Variants in SOX17 observed in about 807,000 individuals in gnomAD.
SOX17 encodes SRY-box transcription factor 17, also known as transcription factor SOX-17.
A neutral mutation model predicts 16.0 loss-of-function variants in SOX17; 4 were observed. The ratio of observed to expected loss-of-function variants is 0.25; its 90% CI spans 0.12 to 0.57. The LOEUF (loss-of-function observed/expected upper bound fraction) is 0.57. Ranked by LOEUF, SOX17 falls within the 20% of genes least tolerant of loss-of-function variation. The pLI is 0.92. For synonymous variants in SOX17, 357 were observed against 284.6 expected (o/e 1.25, Z -2.56); for missense variants, 633 against 609.7 (o/e 1.04, Z -0.40).
Position 54,457,986 on chromosome 8 carries a change from C to A in SOX17, c.-153C>A. 1.0e-6 allele frequency: 1 copy of A among 955,762 alleles called. No homozygotes were observed. The highest frequency in any genetic ancestry group is 1.5e-6 in the Non-Finnish European group (1 of 681,520). 59.2% of individuals were successfully genotyped at this position (955,762 alleles called of 1,614,324 possible). A position where few individuals can be genotyped will look rare whatever the true frequency, so the allele number is the denominator to read the frequency against. On this transcript the variant is annotated 5_prime_UTR_variant, in exon 1 of 2. Coordinates refer to ENST00000297316, the MANE Select transcript of SOX17 (RefSeq NM_022454.4). Reference sequence around the variant, plus strand: ...CCTGGGTACGCTGTAGACCAGACCGCGACAGGCCAGAACACGGGCGGCGGC... The same window carrying A: ...CCTGGGTACGCTGTAGACCAGACCGAGACAGGCCAGAACACGGGCGGCGGC...
chr8:54,458,588 G>A (rs1804675549), intron 1 of SOX17, 143 bp downstream of exon 1: 5 of 1,044,396 alleles, frequency 4.8e-6, no homozygotes, highest in Non-Finnish European at 6.9e-6. Flanking sequence ...TAAGGCTCTG[G>A]GTTCCCTTCC....
In SOX17 at chr8:54,460,711, T is replaced by A. The variant is rs1224591243; in HGVS notation, c.*716T>A. 10 of 228,486 alleles carry A rather than the reference T, an allele frequency of 4.4e-5. No individual in the cohort carries two copies. In the East Asian group the frequency reaches 6.3e-4, roughly 14 times the overall value. 14.2% of individuals were successfully genotyped at this position (228,486 alleles called of 1,614,324 possible). A position where few individuals can be genotyped will look rare whatever the true frequency, so the allele number is the denominator to read the frequency against. ...TAACTGTTGAATCATAAGCTTGACC[T>A]GCCCCCAGAGGCTTTTTGGATGTTT... On this transcript the variant is annotated 3_prime_UTR_variant, in exon 2 of 2. Transcript: ENST00000297316.
Position 54,459,720 on chromosome 8 carries a change from C to A in SOX17, c.970C>A (p.Gln324Lys). Residue 324 changes from glutamine (Q) to lysine (K), a missense_variant, in exon 2 of 2, where the codon CAG becomes AAG. Coordinates refer to ENST00000297316, the MANE Select transcript of SOX17 (RefSeq NM_022454.4). ...GCAACACCAGCACCAGCACCAGCAC[C>A]AGCACCACCCCCCGGGCCCCGGACA... Reference protein sequence around the residue: ...QPQHQHQHQHQHHPPGPGQPS... With the variant: ...QPQHQHQHQHKHHPPGPGQPS... The A allele has an allele frequency of 3.2e-6, 5 of 1,553,046 alleles. No homozygotes were observed. The highest frequency in any genetic ancestry group is 2.6e-6 in the Non-Finnish European group (3 of 1,153,212).
chr8:54,460,027 A>G lies in SOX17; in HGVS notation c.*32A>G, dbSNP rs1465160000. ...CCTGATCCGCCCCAGCCTGCAGGCC[A>G]GAAGCAGTGTTACACACTTCCTGGA... is the stretch of plus-strand genomic sequence containing the variant. On this transcript the variant is annotated 3_prime_UTR_variant, in exon 2 of 2. Transcript: ENST00000297316. The G allele has an allele frequency of 1.2e-6, 2 of 1,609,854 alleles. No individual in the cohort carries two copies. Among genetic ancestry groups the G allele is most frequent in the South Asian group, 1.1e-5 (1 of 91,008 alleles).
chr8:54,458,801 C>T (rs1161139456), intron 1 of SOX17, among the ~76,000 whole-genome samples: 2 of 152,202 alleles, frequency 1.3e-5, no homozygotes, highest in African/African-American at 4.8e-5. Context: ...GTGTCCTTTT[C>T]TGTTTTTCGA....
rs1423535871 is a variant in SOX17 at position 54,459,612 on chromosome 8, G to T, written c.862G>T (p.Ala288Ser). ...GGGTCCCTCGATTCCGGGCCTCCTG[G>T]CGCCACCCAGCGCCCTTCACGTGTA... ...PAGPSIPGLL[A>S]PPSALHVYYG... The change falls in exon 2 of 2, where the codon GCG becomes TCG. Residue 288 changes from alanine (A) to serine (S), a missense_variant. By Grantham distance (99) the Ala-to-Ser change is moderately conservative. Around this residue, in one of 5 missense-constraint regions of SOX17, gnomAD observed 479 missense variants for 397.2 expected, o/e 1.21. Transcript: ENST00000297316. 6.5e-7 allele frequency: 1 copy of T among 1,539,442 alleles called. No homozygotes were observed. The highest frequency in any genetic ancestry group is 1.2e-5 in the South Asian group (1 of 84,208).
In SOX17 at chr8:54,458,100, G is replaced by A; in HGVS notation, c.-39G>A. 2 of 1,443,404 alleles carry A rather than the reference G, an allele frequency of 1.4e-6. No homozygotes were observed. Among genetic ancestry groups the A allele is most frequent in the Non-Finnish European group, 9.0e-7 (1 of 1,106,490 alleles). The allele number at this position is 1,443,404 out of a possible 1,614,324, so 89.4% of individuals were successfully genotyped here. ...CCGGGTCGGGGGAGGCGGCGCGTCC[G>A]GCGGAGGGTTGAGGGGAGCGGGGCA... On this transcript the variant is annotated 5_prime_UTR_variant, in exon 1 of 2. Transcript: ENST00000297316.
rs1804663294 is a variant in SOX17, at chr8:54,458,047, C to A, written c.-92C>A. ...GAGACCCGCGCAGCCCTCGGGGCAT[C>A]TCAGTGCCTCACTCCCCACCCCCTC... On this transcript the variant is annotated 5_prime_UTR_variant, in exon 1 of 2. Transcript: ENST00000297316. 4 of 1,378,294 alleles carry A rather than the reference C, an allele frequency of 2.9e-6. No individual in the cohort carries two copies. Among genetic ancestry groups the A allele is most frequent in the Non-Finnish European group, 3.8e-6 (4 of 1,058,326 alleles). 85.4% of individuals were successfully genotyped at this position (1,378,294 alleles called of 1,614,324 possible). A position where few individuals can be genotyped will look rare whatever the true frequency, so the allele number is the denominator to read the frequency against.
chr8:54,458,275 G>C lies in SOX17; in HGVS notation c.137G>C (p.Gly46Ala). The C allele has an allele frequency of 6.2e-7, 1 of 1,608,700 alleles. No homozygotes were observed. The highest frequency in any genetic ancestry group is 1.1e-5 in the South Asian group (1 of 90,604). ...LSPIGDMKVK[G>A]EAPANSGAPA... The stretch of plus-strand genomic sequence containing the variant: ...CCCATCGGGGACATGAAGGTGAAGG[G>C]CGAGGCGCCGGCGAACAGCGGAGCA... Residue 46 changes from glycine to alanine, a missense_variant, in exon 1 of 2, where the codon GGC (glycine) becomes GCC (alanine). Physicochemically the swap from Gly to Ala is moderately conservative, Grantham distance 60. This residue lies in a region of SOX17 where 94 missense variants were observed against 98.7 expected (regional missense o/e 0.95). Coordinates refer to ENST00000297316, the MANE Select transcript of SOX17 (RefSeq NM_022454.4).
rs1312079304 is a variant in SOX17, at chr8:54,459,048, C to T, written c.308-10C>T. On this transcript the variant is annotated splice_polypyrimidine_tract_variant and intron_variant, in intron 1 of 1. Coordinates refer to ENST00000297316, the MANE Select transcript of SOX17 (RefSeq NM_022454.4). ...CCTGCGCCCCTCTCCCCCTTCCTTCCACTGTGCAGGCAAGTCGTGGAAGGC... is the reference window on the plus strand; with the variant it reads ...CCTGCGCCCCTCTCCCCCTTCCTTCTACTGTGCAGGCAAGTCGTGGAAGGC... 4.4e-6 allele frequency: 7 copies of T among 1,595,176 alleles called. No individual in the cohort carries two copies. Among genetic ancestry groups the T allele is most frequent in the South Asian group, 1.1e-5 (1 of 88,890 alleles).
rs745596528 is a variant in SOX17, at chr8:54,459,679, G to A, written c.929G>A (p.Gly310Asp). ...TCGCCCGGGGCGGGCGGCGGGCGCG[G>A]CTTCCAGATGCAGCCGCAACACCAG... Reference protein sequence around the residue: ...MGSPGAGGGRGFQMQPQHQHQ... With the variant: ...MGSPGAGGGRDFQMQPQHQHQ... The change falls in exon 2 of 2, where the codon GGC (glycine) becomes GAC (aspartate). Residue 310 changes from glycine to aspartate, a missense_variant. Gly to Asp is a moderately conservative substitution (Grantham distance 94, BLOSUM62 -1). Coordinates refer to ENST00000297316, the MANE Select transcript of SOX17 (RefSeq NM_022454.4). 2.0e-6 allele frequency: 3 copies of A among 1,537,776 alleles called. No homozygotes were observed. The highest frequency in any genetic ancestry group is 2.6e-6 in the Non-Finnish European group (3 of 1,146,528).
Position 54,459,791 on chromosome 8 carries a change from C to T in SOX17, c.1041C>T (p.Asp347=), listed in dbSNP as rs749857170. The change falls in exon 2 of 2, where the codon GAC becomes GAT. Residue 347 remains aspartate, a synonymous_variant. Coordinates refer to ENST00000297316, the MANE Select transcript of SOX17 (RefSeq NM_022454.4). ...PEALPCRDGT[D]PSQPAELLGE... ...CACTGCCCTGCCGGGACGGCACGGA[C>T]CCCAGTCAGCCCGCCGAGCTCCTCG... 6.2e-7 allele frequency: 1 copy of T among 1,606,610 alleles called. No individual in the cohort carries two copies. Among genetic ancestry groups the T allele is most frequent in the Non-Finnish European group, 8.5e-7 (1 of 1,177,276 alleles).
Position 54,458,261 on chromosome 8 carries a change from C to T in SOX17, c.123C>T (p.Asp41=), listed in dbSNP as rs1490005075. 9 of 1,606,692 alleles carry T rather than the reference C, an allele frequency of 5.6e-6. No homozygotes were observed. Among genetic ancestry groups the T allele is most frequent in the African/African-American group, 2.7e-5 (2 of 74,970 alleles). Residue 41 remains aspartate (D), a synonymous_variant, in exon 1 of 2, where the codon GAC becomes GAT. Transcript: ENST00000297316. ...PWAESLSPIG[D]MKVKGEAPAN... ...CCGAGTCGCTGAGCCCCATCGGGGA[C>T]ATGAAGGTGAAGGGCGAGGCGCCGG...
chr8:54,459,413 G>T lies in SOX17; in HGVS notation c.663G>T (p.Thr221=), dbSNP rs1407891414. ...APPLDGYPLP[T]PDTSPLDGVD... Reference sequence around the variant, plus strand: ...CGCTCGACGGCTACCCGTTGCCCACGCCCGACACGTCCCCGCTGGACGGCG... The same window carrying T: ...CGCTCGACGGCTACCCGTTGCCCACTCCCGACACGTCCCCGCTGGACGGCG... Residue 221 remains threonine (T), a synonymous_variant, in exon 2 of 2, where the codon ACG becomes ACT. Coordinates refer to ENST00000297316, the MANE Select transcript of SOX17 (RefSeq NM_022454.4). The T allele has an allele frequency of 6.5e-7, 1 of 1,542,850 alleles. No individual in the cohort carries two copies.
Position 54,458,201 on chromosome 8 carries a change from C to G in SOX17, c.63C>G (p.Pro21=). 6.3e-7 allele frequency: 1 copy of G among 1,592,532 alleles called. No homozygotes were observed. The highest frequency in any genetic ancestry group is 1.7e-5 in the Admixed American group (1 of 57,422). The change falls in exon 1 of 2, where the codon CCC becomes CCG. Residue 21 remains proline (P), a synonymous_variant. Transcript: ENST00000297316. ...DDQSQTQSAL[P]AVMAGLGPCP... ...AGAGCCAGACCCAGAGCGCGCTGCC[C>G]GCGGTGATGGCCGGGCTGGGCCCCT...
rs761510423 is a variant in SOX17, at chr8:54,459,214, T to C, written c.464T>C (p.Phe155Ser). 1 of 1,569,648 alleles carries C rather than the reference T, an allele frequency of 6.4e-7. No individual in the cohort carries two copies. The highest frequency in any genetic ancestry group is 1.2e-5 in the South Asian group (1 of 85,878). The change falls in exon 2 of 2, where the codon TTC becomes TCC. Residue 155 changes from phenylalanine to serine, a missense_variant. This residue lies in a region of SOX17 where 479 missense variants were observed against 397.2 expected (regional missense o/e 1.21). Coordinates refer to ENST00000297316, the MANE Select transcript of SOX17 (RefSeq NM_022454.4). ...CGGCTGAAGCGGGTGGAGGGCGGCT[T>C]CCTGCACGGCCTGGCTGAGCCGCAG... ...VKRLKRVEGG[F>S]LHGLAEPQAA...
chr8:54,459,456 T>G lies in SOX17; in HGVS notation c.706T>G (p.Phe236Val), dbSNP rs1230684756. 1.3e-6 allele frequency: 2 copies of G among 1,522,290 alleles called. No individual in the cohort carries two copies. The highest frequency in any genetic ancestry group is 1.8e-6 in the Non-Finnish European group (2 of 1,141,964). 94.3% of individuals were successfully genotyped at this position (1,522,290 alleles called of 1,614,324 possible). Residue 236 changes from phenylalanine to valine, a missense_variant, in exon 2 of 2, where the codon TTC becomes GTC. Coordinates refer to ENST00000297316, the MANE Select transcript of SOX17 (RefSeq NM_022454.4). ...GGACGGCGTGGACCCCGACCCGGCT[T>G]TCTTCGCCGCCCCGATGCCCGGGGA... ...PLDGVDPDPA[F>V]FAAPMPGDCP...
Position 54,458,975 on chromosome 8 carries a change from T to TCCAGGTGGGG in SOX17, c.308-70_308-61dup, listed in dbSNP as rs931148333. ...TTCAAAGTCTGAGGGGGGAGGTGCG[T>TCCAGGTGGGG]CCAGGTGGGGCCAGGTGGGGCCTGG... On this transcript the variant is annotated intron_variant, in intron 1 of 1. Coordinates refer to ENST00000297316, the MANE Select transcript of SOX17 (RefSeq NM_022454.4). The TCCAGGTGGGG allele has an allele frequency of 6.3e-6, 8 of 1,277,242 alleles. No homozygotes were observed. In the Admixed American group the frequency reaches 1.1e-4, roughly 18 times the overall value. The allele number at this position is 1,277,242 out of a possible 1,614,324, so 79.1% of individuals were successfully genotyped here.
chr8:54,459,626 C>T lies in SOX17; in HGVS notation c.876C>T (p.Ala292=), dbSNP rs1025519025. The change falls in exon 2 of 2, where the codon GCC becomes GCT. Residue 292 remains alanine (A), a synonymous_variant. Transcript: ENST00000297316. ...CGGGCCTCCTGGCGCCACCCAGCGC[C>T]CTTCACGTGTACTACGGCGCGATGG... is the stretch of plus-strand genomic sequence containing the variant. ...SIPGLLAPPS[A]LHVYYGAMGS... 3 of 1,539,302 alleles carry T rather than the reference C, an allele frequency of 1.9e-6. No homozygotes were observed. In the African/African-American group the frequency reaches 4.1e-5, roughly 21 times the overall value.
Sources: gnomAD v4.1 joint callset for allele counts (sites outside exome capture counted in the v4.1 genomes callset) on GRCh38, gnomAD v4.1.1 for gene constraint, gnomAD v4.1.1 regional missense constraint, MANE v1.5 for transcripts, NCBI Gene and HGNC (gene_info 2026-07-23, HGNC 2026-07-21) for gene names.